Variants in RAPGEF2 observed in about 807,000 individuals in gnomAD.
The protein encoded by RAPGEF2 is Rap guanine nucleotide exchange factor 2, also known as PDZ domain containing guanine nucleotide exchange factor (GEF) 1.
Under a neutral mutation model 186.7 loss-of-function variants are expected in RAPGEF2, and 54 were observed. That is an observed-to-expected ratio of 0.29 (90% CI 0.23 to 0.36). The LOEUF is 0.36. Ranked by LOEUF, RAPGEF2 falls within the 10% of genes least tolerant of loss-of-function variation. The probability of loss-of-function intolerance (pLI) is 1.00; values close to 1 mark genes in which losing one functional copy is unlikely to be tolerated. For synonymous variants in RAPGEF2, 712 were observed against 705.9 expected, an observed-to-expected ratio of 1.01 and a Z score of -0.14; for missense variants, 1,532 against 2,045.0, an observed-to-expected ratio of 0.75 and a Z score of 4.84.
chr4:159,341,651 C>T lies in RAPGEF2; in HGVS notation c.2622C>T (p.Leu874=), dbSNP rs572009530. The T allele has an allele frequency of 2.2e-5, 36 of 1,613,998 alleles. 1 individual carries two copies. The South Asian group carries it at 3.5e-4, about 16-fold the overall frequency. The stretch of plus-strand genomic sequence containing the variant: ...TGTTGAGAGAGAGTCAAATTTCCCT[C>T]CTTCAGCTCAGCACTGTGGAAGTTG... ...QELLRESQIS[L]LQLSTVEVAT... The change falls in exon 20 of 30, where the codon CTC becomes CTT. Residue 874 remains leucine (L), a synonymous_variant. Coordinates refer to ENST00000691494, the MANE Select transcript of RAPGEF2 (RefSeq NM_001394067.2).
chr4:159,120,624 T>A (rs552076842), intron 1 of RAPGEF2, among the ~76,000 whole-genome samples: 1 of 152,324 alleles, frequency 6.6e-6, no homozygotes, highest in East Asian at 1.9e-4. Context: ...CAGAAGCTAA[T>A]GTCTAGAAAT....
At chr4:159,225,844 G>T (rs1234174043) in intron 4 of RAPGEF2, among the ~76,000 whole-genome samples, 1 of 151,940 alleles carries the variant, frequency 6.6e-6, no homozygotes, top group Non-Finnish European at 1.5e-5. Flanking sequence ...TCTTATTTTT[G>T]AGTTGTGTAA....
intron 1 of RAPGEF2, among the ~76,000 whole-genome samples, chr4:159,167,025 T>A (rs1439522047): frequency 6.6e-6 from 1 of 152,034 alleles, no homozygotes; most frequent in African/African-American, 2.4e-5. Flanking sequence ...TGGTTTATGT[T>A]GTACATGGTG....
chr4:159,325,613 G>A (rs1381367202), intron 11 of RAPGEF2, among the ~76,000 whole-genome samples: 1 of 141,404 alleles, frequency 7.1e-6, no homozygotes, highest in Non-Finnish European at 1.6e-5. Flanking sequence ...GTTTTTTTTT[G>A]AGAATTCAGC....
intron 1 of RAPGEF2, among the ~76,000 whole-genome samples, chr4:159,145,510 A>G (rs1011724560): frequency 6.6e-6 from 1 of 152,118 alleles, no homozygotes; most frequent in Non-Finnish European, 1.5e-5. Flanking sequence ...ATTGCCAAAA[A>G]CATTACCAAA....
chr4:159,166,220 A>C (rs1446867781), intron 1 of RAPGEF2, among the ~76,000 whole-genome samples: 2 of 152,158 alleles, frequency 1.3e-5, no homozygotes, highest in Non-Finnish European at 2.9e-5. Context: ...AGGCTGAGGC[A>C]GGAGAATTGC....
intron 2 of RAPGEF2, among the ~76,000 whole-genome samples, chr4:159,189,532 G>T (rs1747900533): frequency 6.6e-6 from 1 of 152,114 alleles, no homozygotes; most frequent in Admixed American, 6.5e-5. Context: ...AGTAATTGGG[G>T]CTATTCAGTT....
intron 7 of RAPGEF2, among the ~76,000 whole-genome samples, chr4:159,286,409 C>T (rs1001682121): frequency 6.6e-6 from 1 of 152,118 alleles, no homozygotes; most frequent in Admixed American, 6.5e-5. Context: ...CTAGAGTTCC[C>T]CTTATTTCTC....
intron 17 of RAPGEF2, among the ~76,000 whole-genome samples, chr4:159,334,940 A>G (rs1019390360): frequency 6.6e-6 from 1 of 152,002 alleles, no homozygotes; most frequent in Non-Finnish European, 1.5e-5. Context: ...AATTGAAAAG[A>G]AAAAATAATT....
intron 7 of RAPGEF2, among the ~76,000 whole-genome samples, chr4:159,262,121 T>C (rs546565036): frequency 6.6e-6 from 1 of 152,348 alleles, no homozygotes; most frequent in East Asian, 1.9e-4. Context: ...GAATCACTTA[T>C]GCATTCATTC....
At chr4:159,112,071 A>T (rs1738555932) in intron 1 of RAPGEF2, among the ~76,000 whole-genome samples, 1 of 152,198 alleles carries the variant, frequency 6.6e-6, no homozygotes, top group South Asian at 2.1e-4. Flanking sequence ...TTGGAATCGT[A>T]CAGTATATGG....
intron 9 of RAPGEF2, among the ~76,000 whole-genome samples, chr4:159,320,613 A>G (rs1003491273): frequency 6.6e-6 from 1 of 152,138 alleles, no homozygotes; most frequent in Admixed American, 6.5e-5. Context: ...TGTGTAATGA[A>G]AAGTCTTATA....
intron 3 of RAPGEF2, among the ~76,000 whole-genome samples, chr4:159,203,144 T>C (rs931639506): frequency 6.6e-6 from 1 of 152,150 alleles, no homozygotes; most frequent in African/African-American, 2.4e-5. Context: ...CACACACAGC[T>C]CTTTCCCATG....
At chr4:159,182,101 A>C (rs1747067550) in intron 1 of RAPGEF2, among the ~76,000 whole-genome samples, 1 of 152,080 alleles carries the variant, frequency 6.6e-6, no homozygotes, top group Non-Finnish European at 1.5e-5. Context: ...TAATTTTCTT[A>C]TTGGTATTGA....
chr4:159,351,260 C>A, intron 26 of RAPGEF2: 1 of 1,397,678 alleles, frequency 7.2e-7, no homozygotes, highest in Non-Finnish European at 9.5e-7. Context: ...AGAATTCCTC[C>A]AAATGTCAAG....
chr4:159,155,173 A>G (rs1379408652), intron 1 of RAPGEF2, among the ~76,000 whole-genome samples: 1 of 152,202 alleles, frequency 6.6e-6, no homozygotes, highest in Non-Finnish European at 1.5e-5. Flanking sequence ...GGGACAAGGA[A>G]CAACCTTAAA....
intron 13 of RAPGEF2, chr4:159,330,734 A>G (rs774359229): frequency 4.8e-6 from 2 of 417,720 alleles, no homozygotes; most frequent in Non-Finnish European, 8.4e-6. Context: ...AGGCCAATAA[A>G]TTGGCCACCA....
At chr4:159,150,293 C>T (rs893831642) in intron 1 of RAPGEF2, among the ~76,000 whole-genome samples, 7 of 152,124 alleles carry the variant, frequency 4.6e-5, no homozygotes, top group African/African-American at 1.2e-4. Context: ...ACATTTTCAT[C>T]AGCTAATTAA....
intron 1 of RAPGEF2, among the ~76,000 whole-genome samples, chr4:159,151,478 T>C (rs1409673768): frequency 6.6e-6 from 1 of 152,242 alleles, no homozygotes; most frequent in African/African-American, 2.4e-5. Context: ...CTTGGGTTCT[T>C]GAGAAAATTT....
Sources: allele counts gnomAD v4.1 joint callset (sites outside exome capture counted in the v4.1 genomes callset), GRCh38; gene constraint gnomAD v4.1.1; transcripts MANE v1.5; gene names NCBI Gene and HGNC (gene_info 2026-07-23, HGNC 2026-07-21).